The following CDAN1 variants were observed in gnomAD, a reference collection of about 807,000 sequenced individuals.
The protein encoded by CDAN1 is codanin 1.
Under a neutral mutation model 139.8 loss-of-function variants are expected in CDAN1, and 107 were observed. The observed-to-expected ratio is 0.77, with a 90% confidence interval of 0.65 to 0.90. The LOEUF (loss-of-function observed/expected upper bound fraction) is 0.90. Ranked by LOEUF, CDAN1 falls within the 40% of genes least tolerant of loss-of-function variation. CDAN1 has a pLI of 0.00. For missense variants in CDAN1, 1,667 were observed against 1,575.7 expected (o/e 1.06, Z -0.98); for synonymous variants, 776 against 660.6 (o/e 1.17, Z -2.68).
rs966956058 is a variant in CDAN1, at chr15:42,735,986, C to G, written c.662G>C (p.Ser221Thr). ...PKTCFTSPPI[S>T]CVPSSQPSAL... ...TGAGGGTTGGGAACTGGGGACACAG[C>G]TGATTGGGGGTGAGGTGAAGCAGGT... The change falls in exon 3 of 28, where the codon AGC becomes ACC. Residue 221 changes from serine to threonine, a missense_variant. This residue lies in a region of CDAN1 where 487 missense variants were observed against 422.2 expected (regional missense o/e 1.15). Coordinates refer to ENST00000356231, the MANE Select transcript of CDAN1 (RefSeq NM_138477.4). The G allele has an allele frequency of 6.2e-7, 1 of 1,614,056 alleles. No homozygotes were observed. The highest frequency in any genetic ancestry group is 1.3e-5 in the African/African-American group (1 of 74,934).
intron 27 of CDAN1, chr15:42,724,867 T>G (rs2061501845): frequency 1.6e-6 from 1 of 606,436 alleles, no homozygotes; most frequent in African/African-American, 1.9e-5. Flanking sequence ...TACTTCATCT[T>G]GAAATTATTA....
In CDAN1 at chr15:42,729,590, G is replaced by A. The variant is rs374273759; in HGVS notation, c.2385C>T (p.Leu795=). ...DNAPVVDQQL[L]YTCCPYIGEL... is the part of the protein sequence containing the mutation. The stretch of plus-strand genomic sequence containing the variant: ...CACCGATGTAGGGGCAGCAGGTGTA[G>A]AGCAGCTGCTGGTCCACCACAGGCG... Residue 795 remains leucine, a synonymous_variant, in exon 17 of 28, where the codon CTC becomes CTT. Coordinates refer to ENST00000356231, the MANE Select transcript of CDAN1 (RefSeq NM_138477.4). 1.1e-5 allele frequency: 17 copies of A among 1,614,018 alleles called. No homozygotes were observed. In the East Asian group the frequency reaches 2.5e-4, roughly 23 times the overall value.
chr15:42,728,035 T>C lies in CDAN1; in HGVS notation c.2869-2A>G, dbSNP rs777946612. 12 of 1,613,970 alleles carry C rather than the reference T, an allele frequency of 7.4e-6. No homozygotes were observed. The highest frequency in any genetic ancestry group is 8.5e-7 in the Non-Finnish European group (1 of 1,179,924). On this transcript the variant is annotated splice_acceptor_variant, in intron 21 of 27. Coordinates refer to ENST00000356231, the MANE Select transcript of CDAN1 (RefSeq NM_138477.4). LOFTEE classifies it high-confidence loss of function. ...AATGTTCTCTGCACTGCTCAGAACC[T>C]GCGAAACAGAACTACAGAGTCAGGG...
In CDAN1 at chr15:42,735,597, G is replaced by A. The variant is rs1187910771; in HGVS notation, c.856C>T (p.Leu286Phe). Residue 286 changes from leucine (L) to phenylalanine (F), a missense_variant, in exon 4 of 28, where the codon CTC becomes TTC. Leu to Phe is a conservative substitution (Grantham distance 22). Transcript: ENST00000356231. ...GSPLPSRTGS[L>F]TDEPADPARV... ...GCAGGGTCTGCAGGTTCATCTGTGA[G>A]GCTTCCTGTCCGGCTGGGGAGGGGC... 5 of 1,614,232 alleles carry A rather than the reference G, an allele frequency of 3.1e-6. No individual in the cohort carries two copies. Among genetic ancestry groups the A allele is most frequent in the Non-Finnish European group, 4.2e-6 (5 of 1,180,038 alleles).
chr15:42,735,312 T>G lies in CDAN1; in HGVS notation c.1006A>C (p.Arg336=), dbSNP rs1178298009. The G allele has an allele frequency of 2.5e-6, 4 of 1,610,490 alleles. No homozygotes were observed. Among genetic ancestry groups the G allele is most frequent in the Non-Finnish European group, 3.4e-6 (4 of 1,178,346 alleles). Residue 336 remains arginine (R), a synonymous_variant, in exon 5 of 28, where the codon AGG becomes CGG. Coordinates refer to ENST00000356231, the MANE Select transcript of CDAN1 (RefSeq NM_138477.4). ...FFVFQLLTAR[R]MVTAKDSDPE... ...TCGCTGTCCTTGGCAGTCACCATCC[T>G]CCGGGCAGTGAGGAGCTGAAAGACG...
rs761497722 is a variant in CDAN1 at position 42,736,380 on chromosome 15, A to AGGCTGGGGC, written c.482_490dup (p.Arg161_Ser163dup). 140 of 1,613,274 alleles carry AGGCTGGGGC rather than the reference A, an allele frequency of 8.7e-5. No homozygotes were observed. Among genetic ancestry groups the AGGCTGGGGC allele is most frequent in the Non-Finnish European group, 1.1e-4 (132 of 1,179,844 alleles). ...GAGGTTTGGCGGATCAGACAGCGTG[A>AGGCTGGGGC]GGCTGGGGCGGCTGGGGCTGCCAGA... On this transcript the variant is annotated inframe_insertion, in exon 2 of 28. Coordinates refer to ENST00000356231, the MANE Select transcript of CDAN1 (RefSeq NM_138477.4).
Position 42,736,530 on chromosome 15 carries a change from GGGGCCTCGGCAGCGGTGCTCT to G in CDAN1, c.320_340del (p.Gln107_Ala113del), listed in dbSNP as rs2061690644. 4.1e-6 allele frequency: 6 copies of G among 1,453,662 alleles called. No homozygotes were observed. Among genetic ancestry groups the G allele is most frequent in the Non-Finnish European group, 5.4e-6 (6 of 1,105,132 alleles). 90.0% of individuals were successfully genotyped at this position (1,453,662 alleles called of 1,614,324 possible). On this transcript the variant is annotated inframe_deletion, in exon 2 of 28. Transcript: ENST00000356231. The stretch of plus-strand genomic sequence containing the variant: ...CCTCCTGCCCCCGCGGCGGGCCAGA[GGGGCCTCGGCAGCGGTGCTCT>G]GGGCCTCGGTCGGAGGGAAAAGCTG...
In CDAN1 at chr15:42,736,584, G is replaced by A. The variant is rs934220682; in HGVS notation, c.287C>T (p.Ala96Val). 4.0e-6 allele frequency: 6 copies of A among 1,491,544 alleles called. No homozygotes were observed. Among genetic ancestry groups the A allele is most frequent in the African/African-American group, 1.5e-5 (1 of 68,196 alleles). The allele number at this position is 1,491,544 out of a possible 1,614,324, so 92.4% of individuals were successfully genotyped here. A position where few individuals can be genotyped will look rare whatever the true frequency, so the allele number is the denominator to read the frequency against. ...PGGPPRGSRG[A>V]RSQLFPPTEA... Reference sequence around the variant, plus strand: ...GGTCGGAGGGAAAAGCTGGCTGCGCGCCCCGCGGCTACCCCGCGGCGGGCC... The same window carrying A: ...GGTCGGAGGGAAAAGCTGGCTGCGCACCCCGCGGCTACCCCGCGGCGGGCC... Residue 96 changes from alanine to valine, a missense_variant, in exon 2 of 28, where the codon GCG becomes GTG. By Grantham distance (64) the Ala-to-Val change is moderately conservative (BLOSUM62 0). Coordinates refer to ENST00000356231, the MANE Select transcript of CDAN1 (RefSeq NM_138477.4).
chr15:42,735,177 A>C lies in CDAN1; in HGVS notation c.1059T>G (p.Asp353Glu), dbSNP rs2061670696. ...SDPELSPAVL[D>E]SLESPLFQSI... ...TTTGGAACAGTGGACTTTCCAGGGAATCTAGAAGGACAGTACCAAGCTGTC... is the reference window on the plus strand; with the variant it reads ...TTTGGAACAGTGGACTTTCCAGGGACTCTAGAAGGACAGTACCAAGCTGTC... The change falls in exon 6 of 28, where the codon GAT (aspartate) becomes GAG (glutamate). Residue 353 changes from aspartate (D) to glutamate (E), a missense_variant and splice_region_variant. Transcript: ENST00000356231. 2 of 1,612,870 alleles carry C rather than the reference A, an allele frequency of 1.2e-6. No homozygotes were observed. The highest frequency in any genetic ancestry group is 1.7e-6 in the Non-Finnish European group (2 of 1,178,994).
At position 42,729,847 on chromosome 15, in the gene CDAN1, C is replaced by T. The variant is rs974965276; in HGVS notation, c.2301G>A (p.Glu767=). 4 of 1,613,846 alleles carry T rather than the reference C, an allele frequency of 2.5e-6. No homozygotes were observed. The highest frequency in any genetic ancestry group is 1.7e-5 in the Admixed American group (1 of 60,000). ...CCACCTCAAAGGCATATGAGGGACC[C>T]TCTTCCAGAAAGAACAAGTCCTCAG... ...TVPEDLFFLE[E]GPSYAFEVDT... Residue 767 remains glutamate, a synonymous_variant, in exon 16 of 28, where the codon GAG becomes GAA. Transcript: ENST00000356231.
intron 24 of CDAN1, 33 bp from the exon 25 acceptor site, chr15:42,726,193 T>C (rs201911736): frequency 1.9e-6 from 3 of 1,608,920 alleles, no homozygotes; most frequent in African/African-American, 2.7e-5. Context: ...AGAGAGACCA[T>C]AGGTATCACC....
At chr15:42,727,193 A>G (rs1033057381) in intron 23 of CDAN1, 1 of 161,854 alleles carries the variant, frequency 6.2e-6, no homozygotes, top group African/African-American at 2.4e-5. Flanking sequence ...GAGTTTTAAA[A>G]TAAAGTTAGG....
chr15:42,726,502 G>A, intron 23 of CDAN1, 85 bp from the exon 24 acceptor site: 3 of 1,062,448 alleles, frequency 2.8e-6, no homozygotes, highest in Non-Finnish European at 4.2e-6. Flanking sequence ...ATCAGCCAGT[G>A]GAGAGAGGCA....
At chr15:42,727,501 G>A in intron 23 of CDAN1, 120 bp downstream of exon 23, 1 of 928,996 alleles carries the variant, frequency 1.1e-6, no homozygotes, top group Middle Eastern at 2.2e-4. Context: ...ACGGGGACTA[G>A]CTGGACAGCA....
rs147564414 is a variant in CDAN1, at chr15:42,729,080, C to T, written c.2588G>A (p.Arg863His). ...TTCTGCCACGAACTCTACGGTCCGG[C>T]GCAAGGAGGGCGGCTGGTTGTGGAA... ...AFFHNQPPSL[R>H]RTVEFVAERI... Residue 863 changes from arginine to histidine, a missense_variant, in exon 19 of 28, where the codon CGC (arginine) becomes CAC (histidine). By Grantham distance (29) the Arg-to-His change is conservative. Around this residue, in one of 3 missense-constraint regions of CDAN1, gnomAD observed 936 missense variants for 844.1 expected, o/e 1.11. Transcript: ENST00000356231. 4.0e-5 allele frequency: 65 copies of T among 1,614,118 alleles called. No homozygotes were observed. Among genetic ancestry groups the T allele is most frequent in the African/African-American group, 1.6e-4 (12 of 74,940 alleles).
Position 42,732,379 on chromosome 15 carries a change from C to T in CDAN1, c.1487G>A (p.Cys496Tyr), listed in dbSNP as rs201223940. ...AAGCCGAACAAAGTGGCTGTGGCTG[C>T]AGGCTGCGGAGAGCTGACCCATCAT... is the stretch of plus-strand genomic sequence containing the variant. ...RAMMGQLSAACSHSHFVRLFQ... is the reference protein window; with the variant it reads ...RAMMGQLSAAYSHSHFVRLFQ... The change falls in exon 10 of 28, where the codon TGC (cysteine) becomes TAC (tyrosine). Residue 496 changes from cysteine to tyrosine, a missense_variant. Cys to Tyr is a radical substitution (Grantham distance 194). Coordinates refer to ENST00000356231, the MANE Select transcript of CDAN1 (RefSeq NM_138477.4). 1.5e-5 allele frequency: 24 copies of T among 1,613,884 alleles called. No homozygotes were observed. Among genetic ancestry groups the T allele is most frequent in the Middle Eastern group, 1.6e-4 (1 of 6,084 alleles).
intron 6 of CDAN1, 110 bp downstream of exon 6, chr15:42,734,990 A>C (rs2061668452): frequency 1.3e-6 from 1 of 756,208 alleles, no homozygotes; most frequent in Non-Finnish European, 2.4e-6. Context: ...AGGTAGGAGA[A>C]GGTCCAGGAC....
chr15:42,736,054 G>A lies in CDAN1; in HGVS notation c.594C>T (p.Asn198=). The change falls in exon 3 of 28, where the codon AAC becomes AAT. Residue 198 remains asparagine, a synonymous_variant. Transcript: ENST00000356231. Reference sequence around the variant, plus strand: ...ACCGCTCTTCGCTCACCGGAGTTGGGTTGATCCTGCGAGAAGGCTTCGTCC... The same window carrying A: ...ACCGCTCTTCGCTCACCGGAGTTGGATTGATCCTGCGAGAAGGCTTCGTCC... ...PTGTKPSRRI[N]PTPVSEERSL... is the part of the protein sequence containing the mutation. The A allele has an allele frequency of 3.1e-6, 5 of 1,614,182 alleles. No homozygotes were observed. The highest frequency in any genetic ancestry group is 4.2e-6 in the Non-Finnish European group (5 of 1,180,036).
At chr15:42,727,344 TCATCAC>T (rs1315776274) in intron 23 of CDAN1, 1 of 396,110 alleles carries the variant, frequency 2.5e-6, no homozygotes, top group East Asian at 3.9e-5. Flanking sequence ...CACCGCACTC[TCATCAC>T]CATCTGCATA....
Sources: gnomAD v4.1 joint callset for allele counts on GRCh38, gnomAD v4.1.1 for gene constraint, gnomAD v4.1.1 regional missense constraint, MANE v1.5 for transcripts, NCBI Gene and HGNC (gene_info 2026-07-23, HGNC 2026-07-21) for gene names.